Variants in PITPNC1 observed in about 807,000 individuals in gnomAD.
The protein encoded by PITPNC1 is phosphatidylinositol transfer protein cytoplasmic 1, also known as cytoplasmic phosphatidylinositol transfer protein 1.
In PITPNC1, 18 loss-of-function variants were observed where a neutral mutation model predicts 44.7. The observed-to-expected ratio is 0.40, with a 90% confidence interval of 0.28 to 0.60. PITPNC1 has a LOEUF of 0.60. Ranked by LOEUF, PITPNC1 falls within the 20% of genes least tolerant of loss-of-function variation. The probability of loss-of-function intolerance (pLI) is 0.39; values close to 1 mark genes in which losing one functional copy is unlikely to be tolerated. For synonymous variants in PITPNC1, 141 were observed against 149.6 expected (o/e 0.94, Z 0.42); for missense variants, 290 against 418.4 (o/e 0.69, Z 2.68).
chr17:67,693,077 G>A lies in PITPNC1; in HGVS notation c.*189G>A, dbSNP rs923809287. 13 of 556,084 alleles carry A rather than the reference G, an allele frequency of 2.3e-5. No individual in the cohort carries two copies. Among genetic ancestry groups the A allele is most frequent in the Non-Finnish European group, 3.5e-5 (11 of 316,338 alleles). The allele number at this position is 556,084 out of a possible 1,614,324, so 34.4% of individuals were successfully genotyped here. On this transcript the variant is annotated 3_prime_UTR_variant, in exon 9 of 9. Coordinates refer to ENST00000581322, the MANE Select transcript of PITPNC1 (RefSeq NM_012417.4). ...AAGTATGCTACACAGCATCATATTA[G>A]ATGTAAGATGTAAGACTTGCAAAGG... is the stretch of plus-strand genomic sequence containing the variant.
chr17:67,524,530 A>T (rs1427164815), intron 1 of PITPNC1: 1 of 152,254 alleles, frequency 6.6e-6, no homozygotes, highest in South Asian at 2.1e-4. Flanking sequence ...ATACAAAAAT[A>T]TCATTTCAAT....
intron 2 of PITPNC1, among the ~76,000 whole-genome samples, chr17:67,537,551 C>T (rs1169756440): frequency 1.3e-5 from 2 of 152,068 alleles, no homozygotes; most frequent in African/African-American, 4.8e-5. Context: ...GTTTTAAAAG[C>T]CCTAGACAAA....
At chr17:67,520,666 A>G (rs1252766581) in intron 1 of PITPNC1, among the ~76,000 whole-genome samples, 2 of 152,188 alleles carry the variant, frequency 1.3e-5, no homozygotes, top group Non-Finnish European at 2.9e-5. Context: ...GGGAGCGCAC[A>G]GGACTCTTAA....
intron 1 of PITPNC1, among the ~76,000 whole-genome samples, chr17:67,481,757 T>G (rs902202986): frequency 9.9e-5 from 15 of 150,808 alleles, no homozygotes; most frequent in African/African-American, 3.7e-4. Context: ...AGATGTATAC[T>G]CTGAAGCAAT....
At chr17:67,400,417 G>A (rs2038290162) in intron 1 of PITPNC1, among the ~76,000 whole-genome samples, 1 of 152,224 alleles carries the variant, frequency 6.6e-6, no homozygotes, top group Non-Finnish European at 1.5e-5. Flanking sequence ...AGGTGGCTGT[G>A]CTTTGGGAAG....
Position 67,597,989 on chromosome 17 carries a change from C to T in PITPNC1, c.366+19732C>T, listed in dbSNP as rs527921513. ...CTGTAATCCCAGCACTTTGGGAGGC[C>T]GAGGCAGGCGGATCACGAGGTCAGG... On this transcript the variant is annotated intron_variant, in intron 5 of 8. Coordinates refer to ENST00000581322, the MANE Select transcript of PITPNC1 (RefSeq NM_012417.4). This position sits in a 1 kb window ranked among gnomAD's most constrained non-coding sequence, Gnocchi z 4.0. Among the ~76,000 whole-genome samples, 13 of 152,168 alleles carry T rather than the reference C, an allele frequency of 8.5e-5. No homozygotes were observed. The highest frequency in any genetic ancestry group is 3.9e-4 in the East Asian group (2 of 5,172).
Position 67,647,475 on chromosome 17 carries a change from T to TTG in PITPNC1, c.462+15238_462+15239insGT, listed in dbSNP as rs1179772847. Among the ~76,000 whole-genome samples the TTG allele has an allele frequency of 9.1e-5, 9 of 98,876 alleles. 1 individual carries two copies. The highest frequency in any genetic ancestry group is 1.7e-4 in the Non-Finnish European group (9 of 52,122). The allele number at this position is 98,876 out of a possible 152,430, so 64.9% of individuals were successfully genotyped here. On this transcript the variant is annotated intron_variant, in intron 6 of 8. Coordinates refer to ENST00000581322, the MANE Select transcript of PITPNC1 (RefSeq NM_012417.4). ...CCAGCTAATTTTGGGTTTTTTTTTTTTTTTTTTTTTTTTTTTTTGTAGAGA... is the reference window on the plus strand; with the variant it reads ...CCAGCTAATTTTGGGTTTTTTTTTTTTGTTTTTTTTTTTTTTTTTTGTAGAGA...
At chr17:67,585,578 G>A (rs550496281) in intron 5 of PITPNC1, among the ~76,000 whole-genome samples, 2 of 152,134 alleles carry the variant, frequency 1.3e-5, no homozygotes, top group East Asian at 1.9e-4. Flanking sequence ...TGAGGCGGGC[G>A]GATCGCTTAA....
intron 4 of PITPNC1, among the ~76,000 whole-genome samples, chr17:67,555,412 T>G (rs1350739937): frequency 2.0e-5 from 3 of 152,186 alleles, no homozygotes; most frequent in Non-Finnish European, 4.4e-5. Context: ...CAGGCTACTT[T>G]GCCAACGCTA....
chr17:67,538,349 C>A (rs2040558162), intron 2 of PITPNC1, among the ~76,000 whole-genome samples: 1 of 152,074 alleles, frequency 6.6e-6, no homozygotes, highest in African/African-American at 2.4e-5. Flanking sequence ...CCTGTAATCC[C>A]AACAATTTGA....
intron 1 of PITPNC1, among the ~76,000 whole-genome samples, chr17:67,475,206 G>A (rs1251583479): frequency 6.6e-6 from 1 of 152,142 alleles, no homozygotes; most frequent in Non-Finnish European, 1.5e-5. Context: ...AGCCTTCCTC[G>A]CGGTGGAGGG....
intron 1 of PITPNC1, among the ~76,000 whole-genome samples, chr17:67,381,688 A>C (rs1002675566): frequency 6.6e-6 from 1 of 150,638 alleles, no homozygotes; most frequent in Non-Finnish European, 1.5e-5. Flanking sequence ...GGATGGTCTC[A>C]ATCTCCTGAC....
At chr17:67,402,619 C>T (rs560271621) in intron 1 of PITPNC1, among the ~76,000 whole-genome samples, 40 of 152,212 alleles carry the variant, frequency 2.6e-4, no homozygotes, top group African/African-American at 9.6e-4. Context: ...GAAACAAATG[C>T]AATGAATGGC....
intron 4 of PITPNC1, among the ~76,000 whole-genome samples, chr17:67,559,493 C>CT (rs541328917): frequency 7.2e-5 from 11 of 152,058 alleles, no homozygotes; most frequent in Non-Finnish European, 1.6e-4. Flanking sequence ...GGGAAATATC[C>CT]TTTTTTTAGG....
At chr17:67,510,348 C>T (rs114382524) in intron 1 of PITPNC1, among the ~76,000 whole-genome samples, 160 of 152,346 alleles carry the variant, frequency 1.1e-3, no homozygotes, top group African/African-American at 3.8e-3. Context: ...ACACCCCGAA[C>T]CTGCCTTGTC....
rs866388439 is a variant in PITPNC1, at chr17:67,597,703, G to A, written c.366+19446G>A. ...TTAATTCATCGTACAAGAAACATTTGTTAAACATCTATTCGGCACCAGGGG... is the reference window on the plus strand; with the variant it reads ...TTAATTCATCGTACAAGAAACATTTATTAAACATCTATTCGGCACCAGGGG... On this transcript the variant is annotated intron_variant, in intron 5 of 8. Transcript: ENST00000581322. This position sits in a 1 kb window ranked among gnomAD's most constrained non-coding sequence, Gnocchi z 4.0. Among the ~76,000 whole-genome samples, 11 of 152,308 alleles carry A rather than the reference G, an allele frequency of 7.2e-5. No individual in the cohort carries two copies. Among genetic ancestry groups the A allele is most frequent in the Non-Finnish European group, 1.3e-4 (9 of 68,034 alleles).
intron 1 of PITPNC1, among the ~76,000 whole-genome samples, chr17:67,454,801 T>C (rs548318474): frequency 4.0e-5 from 6 of 151,046 alleles, no homozygotes; most frequent in Non-Finnish European, 8.8e-5. Context: ...ATACACATAT[T>C]TCATTATTTT....
At chr17:67,549,656 T>G (rs1300511357) in intron 2 of PITPNC1, among the ~76,000 whole-genome samples, 3 of 152,028 alleles carry the variant, frequency 2.0e-5, no homozygotes, top group Non-Finnish European at 4.4e-5. Context: ...GCTTTTAAAT[T>G]GCTATAGGAA....
intron 1 of PITPNC1, among the ~76,000 whole-genome samples, chr17:67,393,090 A>G (rs923063367): frequency 2.6e-5 from 4 of 151,420 alleles, no homozygotes; most frequent in African/African-American, 9.7e-5. Context: ...AGATCGCACC[A>G]CTGCACTCCA....
Sources: gnomAD v4.1 joint callset for allele counts (sites outside exome capture counted in the v4.1 genomes callset) on GRCh38, gnomAD v4.1.1 for gene constraint, Gnocchi (gnomAD v3.1) non-coding constraint, MANE v1.5 for transcripts, NCBI Gene and HGNC (gene_info 2026-07-23, HGNC 2026-07-21) for gene names.